CNTNAP2: variants seen among roughly 807,000 people sequenced by gnomAD.
The protein encoded by CNTNAP2 is contactin associated protein 2.
A neutral mutation model predicts 155.2 loss-of-function variants in CNTNAP2; 98 were observed. The ratio of observed to expected loss-of-function variants is 0.63; its 90% CI spans 0.54 to 0.75. The LOEUF (loss-of-function observed/expected upper bound fraction) is 0.75. CNTNAP2 is among the 30% of genes least tolerant of loss of function. The probability of loss-of-function intolerance (pLI) is 0.00; values close to 1 mark genes in which losing one functional copy is unlikely to be tolerated. For missense variants in CNTNAP2, 1,727 were observed against 1,688.1 expected (o/e 1.02, Z -0.40); for synonymous variants, 651 against 631.2 (o/e 1.03, Z -0.47).
intron 11 of CNTNAP2, among the ~76,000 whole-genome samples, chr7:147,520,360 G>A (rs190044510): frequency 6.6e-6 from 1 of 152,292 alleles, no homozygotes; most frequent in African/African-American, 2.4e-5. Context: ...TAGAGCAAGA[G>A]GTGGTTCCTA....
chr7:146,737,347 A>C (rs73168802), intron 1 of CNTNAP2, among the ~76,000 whole-genome samples: 24,401 of 152,074 alleles, frequency 0.16, 2,532 homozygotes, highest in East Asian at 0.37. Context: ...TATAGTCACC[A>C]TGTTATACAA....
At chr7:147,935,012 A>T (rs1046007880) in intron 14 of CNTNAP2, among the ~76,000 whole-genome samples, 3 of 152,204 alleles carry the variant, frequency 2.0e-5, no homozygotes, top group African/African-American at 7.2e-5. Flanking sequence ...TTTTAAAGTT[A>T]ACTTTTGTAG....
intron 13 of CNTNAP2, among the ~76,000 whole-genome samples, chr7:147,802,481 G>A (rs1037259040): frequency 1.3e-5 from 2 of 152,158 alleles, no homozygotes; most frequent in Non-Finnish European, 2.9e-5. Context: ...TCCAGCCTGG[G>A]CACCATTGAG....
chr7:147,741,954 C>T (rs991255926), intron 13 of CNTNAP2, among the ~76,000 whole-genome samples: 7 of 152,144 alleles, frequency 4.6e-5, no homozygotes, highest in Non-Finnish European at 5.9e-5. Flanking sequence ...TACAATTTCA[C>T]GTGGCTGGGG....
intron 1 of CNTNAP2, among the ~76,000 whole-genome samples, chr7:146,652,157 C>T (rs1799925384): frequency 6.6e-6 from 1 of 151,906 alleles, no homozygotes; most frequent in Non-Finnish European, 1.5e-5. Context: ...AAAAATTAAC[C>T]CCATTTTAAA....
chr7:147,666,068 G>T (rs1326365776), intron 13 of CNTNAP2, among the ~76,000 whole-genome samples: 1 of 152,078 alleles, frequency 6.6e-6, no homozygotes, highest in Non-Finnish European at 1.5e-5. Flanking sequence ...TTTCCTTAAA[G>T]TAACTAATTT....
chr7:146,405,600 C>T (rs1193822076), intron 1 of CNTNAP2, among the ~76,000 whole-genome samples: 2 of 152,068 alleles, frequency 1.3e-5, no homozygotes, highest in African/African-American at 2.4e-5. Flanking sequence ...ACAGAGAGAA[C>T]ATGATTAAGA....
Position 148,292,539 on chromosome 7 carries a change from G to A in CNTNAP2, c.3475+25413G>A, listed in dbSNP as rs139705961. Among the ~76,000 whole-genome samples, 25 of 152,288 alleles carry A rather than the reference G, an allele frequency of 1.6e-4. 1 individual carries two copies. In the East Asian group the frequency reaches 4.4e-3, roughly 27 times the overall value. ...CTGAAGCCACCAGCAGAGCTTAGGG[G>A]ACAAAAACAACTGTTTCCTAAGAGA... On this transcript the variant is annotated intron_variant, in intron 21 of 23. Transcript: ENST00000361727.
intron 1 of CNTNAP2, among the ~76,000 whole-genome samples, chr7:146,690,890 A>T (rs961922155): frequency 6.6e-6 from 1 of 152,154 alleles, no homozygotes; most frequent in African/African-American, 2.4e-5. Flanking sequence ...CTGGGCTAAA[A>T]ATATATAGAA....
At chr7:147,968,011 G>A (rs114185274) in intron 14 of CNTNAP2, among the ~76,000 whole-genome samples, 1,889 of 152,112 alleles carry the variant, frequency 0.012, 40 homozygotes, top group African/African-American at 0.043. Flanking sequence ...AAGTACATAC[G>A]GGTAGCTATT....
intron 10 of CNTNAP2, among the ~76,000 whole-genome samples, chr7:147,444,525 C>CT (rs557707358): frequency 0.15 from 20,427 of 131,834 alleles, 1,831 homozygotes; most frequent in African/African-American, 0.26. Context: ...ATTAAATTTT[C>CT]TTTTTTTTTT....
intron 3 of CNTNAP2, among the ~76,000 whole-genome samples, chr7:146,921,074 A>G (rs1487490018): frequency 2.0e-5 from 3 of 152,194 alleles, no homozygotes; most frequent in African/African-American, 7.2e-5. Context: ...TATATCTTCT[A>G]GAAAAGGAAA....
chr7:147,464,071 A>G (rs1326019622), intron 10 of CNTNAP2, among the ~76,000 whole-genome samples: 1 of 150,698 alleles, frequency 6.6e-6, no homozygotes, highest in Non-Finnish European at 1.5e-5. Flanking sequence ...TTGTTTGTTT[A>G]TTGGTGAATA....
intron 6 of CNTNAP2, chr7:147,122,340 G>GTCT (rs1801136239): frequency 6.6e-6 from 1 of 152,182 alleles, no homozygotes; most frequent in Non-Finnish European, 1.5e-5. Context: ...AGCCCTTAGT[G>GTCT]TCTTCGAACT....
At chr7:146,755,195 A>T (rs982467450) in intron 1 of CNTNAP2, among the ~76,000 whole-genome samples, 4 of 151,994 alleles carry the variant, frequency 2.6e-5, no homozygotes, top group Non-Finnish European at 4.4e-5. Flanking sequence ...ATTCATTCAA[A>T]AATATATATC....
At chr7:147,996,934 C>G (rs974911591) in intron 15 of CNTNAP2, among the ~76,000 whole-genome samples, 1 of 152,092 alleles carries the variant, frequency 6.6e-6, no homozygotes, top group African/African-American at 2.4e-5. Flanking sequence ...AGGTGGGGCT[C>G]TGGGAGGCAA....
chr7:146,335,939 C>T (rs1315841644), intron 1 of CNTNAP2, among the ~76,000 whole-genome samples: 5 of 152,120 alleles, frequency 3.3e-5, no homozygotes, highest in Non-Finnish European at 7.4e-5. Flanking sequence ...GTGACCCACT[C>T]TTGTAATCCC....
intron 15 of CNTNAP2, among the ~76,000 whole-genome samples, chr7:148,031,509 C>T (rs910888984): frequency 1.3e-5 from 2 of 152,282 alleles, no homozygotes; most frequent in South Asian, 4.1e-4. Context: ...ATACTTTAAA[C>T]ATTTTCTTTA....
rs540717400 is a variant in CNTNAP2 at position 146,370,370 on chromosome 7, G to A, written c.97+253397G>A. On this transcript the variant is annotated intron_variant, in intron 1 of 23. Transcript: ENST00000361727. The stretch of plus-strand genomic sequence containing the variant: ...AGAGATTCGTTTGTACCCAGCATGC[G>A]GAGGTTGCAGTGAGCCGAAATTATG... 4.0e-5 allele frequency among the ~76,000 whole-genome samples: 6 copies of A among 151,622 alleles called. No individual in the cohort carries two copies. The South Asian group carries it at 8.3e-4, about 21-fold the overall frequency.
Sources: allele counts gnomAD v4.1 joint callset (sites outside exome capture counted in the v4.1 genomes callset), GRCh38; gene constraint gnomAD v4.1.1; transcripts MANE v1.5; gene names NCBI Gene and HGNC (gene_info 2026-07-23, HGNC 2026-07-21).